TRA2A: variants seen among roughly 807,000 people sequenced by gnomAD.
The protein encoded by TRA2A is transformer 2 alpha homolog.
TRA2A carries 31 observed loss-of-function variants against 45.7 expected under a neutral mutation model. That is an observed-to-expected ratio of 0.68 (90% CI 0.51 to 0.92). The LOEUF is 0.92. TRA2A is among the 40% of genes least tolerant of loss of function. The pLI is 0.00. For synonymous variants in TRA2A, 132 were observed against 126.2 expected, an observed-to-expected ratio of 1.05 and a Z score of -0.31; for missense variants, 304 against 367.5, an observed-to-expected ratio of 0.83 and a Z score of 1.41.
intron 1 of TRA2A, among the ~76,000 whole-genome samples, chr7:23,527,044 C>CA (rs1163859004): frequency 3.9e-5 from 6 of 151,952 alleles, no homozygotes; most frequent in Non-Finnish European, 7.4e-5. Flanking sequence ...TTGTAATGTT[C>CA]AAAAAACTAA....
chr7:23,530,834 G>A (rs554974467), intron 1 of TRA2A, among the ~76,000 whole-genome samples: 1 of 152,110 alleles, frequency 6.6e-6, no homozygotes, highest in East Asian at 1.9e-4. Flanking sequence ...TTACAGAACA[G>A]TATATACTGA....
intron 1 of TRA2A, 97 bp downstream of exon 1, chr7:23,531,692 C>A: frequency 7.2e-7 from 1 of 1,387,694 alleles, no homozygotes; most frequent in South Asian, 1.2e-5. Context: ...GGTTGCTCCT[C>A]GCGGGACTAC....
chr7:23,531,392 A>T (rs1255809271), intron 1 of TRA2A: 1 of 331,006 alleles, frequency 3.0e-6, no homozygotes, highest in Non-Finnish European at 4.7e-6. Flanking sequence ...GGGTCGCCAG[A>T]AATGCCACCG....
intron 2 of TRA2A, among the ~76,000 whole-genome samples, chr7:23,517,182 A>G (rs1789911249): frequency 6.8e-6 from 1 of 147,106 alleles, no homozygotes; most frequent in Admixed American, 6.8e-5. Context: ...GGAAAGATGA[A>G]GCAAGAAAAA....
chr7:23,507,247 G>T, intron 5 of TRA2A, 173 bp downstream of exon 5: 1 of 575,952 alleles, frequency 1.7e-6, no homozygotes, highest in Non-Finnish European at 3.1e-6. Context: ...TTACAGGCAT[G>T]TGCCACCACA....
intron 1 of TRA2A, among the ~76,000 whole-genome samples, chr7:23,523,206 G>A (rs866180562): frequency 1.3e-5 from 2 of 152,132 alleles, no homozygotes; most frequent in Middle Eastern, 6.8e-3. Context: ...TTAGAATTAT[G>A]TTCAGTTTTT....
At chr7:23,513,206 A>G (rs991679065) in intron 3 of TRA2A, 124 bp from the exon 4 acceptor site, 2 of 736,414 alleles carry the variant, frequency 2.7e-6, no homozygotes, top group Admixed American at 6.5e-5. Flanking sequence ...TAATTTGGAG[A>G]TAAGATTTTA....
At chr7:23,512,407 C>T (rs1048197486) in intron 4 of TRA2A, among the ~76,000 whole-genome samples, 2 of 152,164 alleles carry the variant, frequency 1.3e-5, no homozygotes, top group Admixed American at 6.5e-5. Flanking sequence ...CTGCTTGAGC[C>T]CAGGAGGTCG....
At position 23,531,900 on chromosome 7, in the gene TRA2A, A is replaced by T. The variant is rs1790604269; in HGVS notation, c.-76T>A. On this transcript the variant is annotated 5_prime_UTR_variant, in exon 1 of 8. Transcript: ENST00000297071. ...GGCCGATGGCCTAATTAACCCGCTG[A>T]CTGGACCGTGGGGAAGAGGAAAGAG... 1 of 1,532,266 alleles carries T rather than the reference A, an allele frequency of 6.5e-7. No individual in the cohort carries two copies. Among genetic ancestry groups the T allele is most frequent in the Non-Finnish European group, 9.0e-7 (1 of 1,111,902 alleles). The allele number at this position is 1,532,266 out of a possible 1,614,324, so 94.9% of individuals were successfully genotyped here. A position where few individuals can be genotyped will look rare whatever the true frequency, so the allele number is the denominator to read the frequency against.
In TRA2A at chr7:23,507,467, C is replaced by T. The variant is rs1266718991; in HGVS notation, c.594G>A (p.Lys198=). 6.2e-7 allele frequency: 1 copy of T among 1,614,188 alleles called. No individual in the cohort carries two copies. Among genetic ancestry groups the T allele is most frequent in the South Asian group, 1.1e-5 (1 of 91,088 alleles). The change falls in exon 5 of 8, where the codon AAG becomes AAA. Residue 198 remains lysine, a synonymous_variant. Coordinates refer to ENST00000297071, the MANE Select transcript of TRA2A (RefSeq NM_013293.5). ...TGCCTGGTGTTGGTGTGTGCGCTCT[C>T]TTGGTTATAGAATAATCCACCCGAA... ...RRIRVDYSIT[K]RAHTPTPGIY... is the part of the protein sequence containing the mutation.
chr7:23,518,333 T>A (rs1789979966), intron 2 of TRA2A, among the ~76,000 whole-genome samples: 1 of 151,568 alleles, frequency 6.6e-6, no homozygotes, highest in Non-Finnish European at 1.5e-5. Context: ...TAAATGCCCA[T>A]CAAAACTGGT....
intron 1 of TRA2A, among the ~76,000 whole-genome samples, chr7:23,528,578 A>C (rs1790436343): frequency 6.6e-6 from 1 of 152,114 alleles, no homozygotes; most frequent in African/African-American, 2.4e-5. Context: ...CTCAGATTTC[A>C]GAAAAGGACC....
intron 1 of TRA2A, among the ~76,000 whole-genome samples, chr7:23,523,067 CTTA>C (rs375660333): frequency 1.8e-4 from 28 of 152,238 alleles, no homozygotes; most frequent in African/African-American, 5.8e-4. Context: ...TCCCCATTAG[CTTA>C]TTAATTCCTG....
At chr7:23,529,980 T>C (rs1049047794) in intron 1 of TRA2A, among the ~76,000 whole-genome samples, 2 of 151,590 alleles carry the variant, frequency 1.3e-5, no homozygotes, top group Admixed American at 6.6e-5. Context: ...CTAGACTTGA[T>C]GATAAATTAA....
At chr7:23,523,034 A>G (rs991241849) in intron 1 of TRA2A, among the ~76,000 whole-genome samples, 2 of 152,196 alleles carry the variant, frequency 1.3e-5, no homozygotes, top group African/African-American at 4.8e-5. Context: ...GAAAAAACTA[A>G]TAAGCATGAA....
At chr7:23,521,214 C>A (rs772658145) in intron 2 of TRA2A, among the ~76,000 whole-genome samples, 23 of 152,156 alleles carry the variant, frequency 1.5e-4, no homozygotes, top group Non-Finnish European at 2.8e-4. Flanking sequence ...GCTTCTCAAT[C>A]GTTCTGACCA....
rs1215209823 is a variant in TRA2A at position 23,507,405 on chromosome 7, A to C, written c.641+15T>G. The C allele has an allele frequency of 1.3e-6, 2 of 1,598,078 alleles. No homozygotes were observed. The highest frequency in any genetic ancestry group is 1.1e-5 in the South Asian group (1 of 90,362). On this transcript the variant is annotated intron_variant, in intron 5 of 7. Coordinates refer to ENST00000297071, the MANE Select transcript of TRA2A (RefSeq NM_013293.5). The stretch of plus-strand genomic sequence containing the variant: ...GTGGATTTCATAGTTTAGCTTAGGA[A>C]ACTTGAACTCTTACTGAGTTGGTCT...
chr7:23,516,598 G>GGTAT, intron 2 of TRA2A, 70 bp from the exon 3 acceptor site: 1 of 1,397,934 alleles, frequency 7.2e-7, no homozygotes, highest in Non-Finnish European at 1.0e-6. Context: ...CTTCCAAGAA[G>GGTAT]GTATACATAT....
chr7:23,512,795 A>G (rs1741659285), intron 4 of TRA2A, 99 bp downstream of exon 4: 4 of 968,074 alleles, frequency 4.1e-6, no homozygotes, highest in Admixed American at 6.0e-5. Flanking sequence ...AAAGAAAAAA[A>G]GGAAGAAAAA....
Sources: allele counts gnomAD v4.1 joint callset (sites outside exome capture counted in the v4.1 genomes callset), GRCh38; gene constraint gnomAD v4.1.1; transcripts MANE v1.5; gene names NCBI Gene and HGNC (gene_info 2026-07-23, HGNC 2026-07-21).